USP10: variants seen among roughly 807,000 people sequenced by gnomAD.
The protein encoded by USP10 is ubiquitin specific peptidase 10.
Under a neutral mutation model 84.5 loss-of-function variants are expected in USP10, and 22 were observed. The ratio of observed to expected loss-of-function variants is 0.26; its 90% CI spans 0.19 to 0.37. The LOEUF is 0.37. USP10 is among the 10% of genes least tolerant of loss of function. The pLI, the probability that USP10 is intolerant of heterozygous loss-of-function variation, is 1.00. For missense variants in USP10, 1,019 were observed against 998.9 expected, an observed-to-expected ratio of 1.02 and a Z score of -0.27; for synonymous variants, 454 against 387.6, an observed-to-expected ratio of 1.17 and a Z score of -2.01.
chr16:84,778,760 A>T, intron 13 of USP10, 135 bp from the exon 14 acceptor site: 1 of 821,968 alleles, frequency 1.2e-6, no homozygotes, highest in Non-Finnish European at 1.9e-6. Context: ...TTGTGTGATG[A>T]CATCTCTCTG....
intron 6 of USP10, 168 bp from the exon 7 acceptor site, chr16:84,759,723 A>T: frequency 1.3e-6 from 1 of 742,506 alleles, no homozygotes; most frequent in Non-Finnish European, 2.2e-6. Context: ...CTTGAAATAG[A>T]CCAAAAATGC....
chr16:84,768,369 AC>A lies in USP10; in HGVS notation c.1998+12del, dbSNP rs747252915. On this transcript the variant is annotated intron_variant, in intron 11 of 13. Transcript: ENST00000219473. ...AAAACCAAACAAGAGGTATGTTCAC[AC>A]TTGATTTTGAACCTTTCTACTAAGG... 2.6e-6 allele frequency: 4 copies of A among 1,568,148 alleles called. No individual in the cohort carries two copies. The South Asian group carries it at 4.8e-5, about 19-fold the overall frequency.
At chr16:84,714,929 A>T (rs572691944) in intron 1 of USP10, among the ~76,000 whole-genome samples, 66 of 148,404 alleles carry the variant, frequency 4.4e-4, no homozygotes, top group Admixed American at 1.1e-3. Flanking sequence ...TATTATTATT[A>T]TTATTATTTT....
chr16:84,774,253 ATAAAT>A (rs781490554), intron 12 of USP10, among the ~76,000 whole-genome samples: 34 of 152,176 alleles, frequency 2.2e-4, no homozygotes, highest in Non-Finnish European at 4.1e-4. Context: ...AAAAAAATAA[ATAAAT>A]AACATAAATG....
chr16:84,732,582 G>T (rs1017297730), intron 1 of USP10: 5 of 334,260 alleles, frequency 1.5e-5, no homozygotes, highest in Non-Finnish European at 2.3e-5. Context: ...GAGCAGCCGG[G>T]ACTACAGGTA....
intron 1 of USP10, chr16:84,704,956 T>G: frequency 6.6e-7 from 1 of 1,516,410 alleles, no homozygotes; most frequent in Non-Finnish European, 8.9e-7. Flanking sequence ...TAGGAGAATG[T>G]GCATGTGGAG....
intron 4 of USP10, among the ~76,000 whole-genome samples, chr16:84,751,150 G>A (rs960492358): frequency 6.6e-6 from 1 of 152,184 alleles, no homozygotes; most frequent in Non-Finnish European, 1.5e-5. Flanking sequence ...AGTTGCCTAC[G>A]GTATTCAGTA....
At chr16:84,774,099 A>T (rs951746658) in intron 12 of USP10, among the ~76,000 whole-genome samples, 17 of 151,974 alleles carry the variant, frequency 1.1e-4, no homozygotes, top group African/African-American at 3.6e-4. Context: ...AAAACACAAA[A>T]ATTAGCCTAG....
chr16:84,763,716 T>C (rs1273222462), intron 9 of USP10, among the ~76,000 whole-genome samples: 1 of 152,040 alleles, frequency 6.6e-6, no homozygotes, highest in Non-Finnish European at 1.5e-5. Flanking sequence ...TCAAGTGGCA[T>C]TGCAATGGGT....
At chr16:84,776,021 C>T (rs1277024150) in intron 13 of USP10, among the ~76,000 whole-genome samples, 1 of 152,168 alleles carries the variant, frequency 6.6e-6, no homozygotes, top group Non-Finnish European at 1.5e-5. Flanking sequence ...TTTGGTGAAC[C>T]TGTTTGTATC....
intron 2 of USP10, among the ~76,000 whole-genome samples, chr16:84,740,078 C>T (rs911781591): frequency 2.0e-5 from 3 of 152,122 alleles, no homozygotes; most frequent in Non-Finnish European, 2.9e-5. Flanking sequence ...GCTTCATTTT[C>T]GGATCTGTTT....
At chr16:84,743,031 G>A (rs770881515) in intron 3 of USP10, among the ~76,000 whole-genome samples, 18 of 152,106 alleles carry the variant, frequency 1.2e-4, no homozygotes, top group Non-Finnish European at 1.8e-4. Flanking sequence ...GGAGCCTTCC[G>A]CCCCAGGCAC....
At chr16:84,713,921 G>A (rs915856470) in intron 1 of USP10, among the ~76,000 whole-genome samples, 4 of 152,280 alleles carry the variant, frequency 2.6e-5, no homozygotes, top group Admixed American at 6.5e-5. Flanking sequence ...CATTTGGGAC[G>A]TGGAGAGTTG....
In USP10 at chr16:84,744,877, G is replaced by A. The variant is rs199963685; in HGVS notation, c.396G>A (p.Ala132=). 1.6e-4 allele frequency: 265 copies of A among 1,613,718 alleles called. No individual in the cohort carries two copies. The highest frequency in any genetic ancestry group is 2.1e-4 in the Non-Finnish European group (252 of 1,179,704). The part of the protein sequence containing the change: ...LALDGSSNVE[A]EVLENDGVSG... ...TGGATGGAAGTTCTAATGTGGAGGC[G>A]GAAGTTTTGGAAAATGATGGTGTCT... is the stretch of plus-strand genomic sequence containing the variant. Residue 132 remains alanine (A), a synonymous_variant, in exon 4 of 14, where the codon GCG becomes GCA. Coordinates refer to ENST00000219473, the MANE Select transcript of USP10 (RefSeq NM_005153.3).
At chr16:84,718,346 T>C (rs1012859942) in intron 1 of USP10, among the ~76,000 whole-genome samples, 1 of 152,204 alleles carries the variant, frequency 6.6e-6, no homozygotes, top group East Asian at 1.9e-4. Context: ...CTCAAAGTTA[T>C]TGGCTCAAGG....
intron 1 of USP10, among the ~76,000 whole-genome samples, chr16:84,710,759 A>G (rs1906175856): frequency 6.6e-6 from 1 of 152,148 alleles, no homozygotes; most frequent in Admixed American, 6.5e-5. Flanking sequence ...CTCTTCTAAT[A>G]CCAGAATCAC....
At position 84,750,201 on chromosome 16, in the gene USP10, A is replaced by G. The variant is rs1911752329; in HGVS notation, c.1192+4528A>G. On this transcript the variant is annotated intron_variant, in intron 4 of 13. Transcript: ENST00000219473. Reference sequence around the variant, plus strand: ...GGTGGGTGGATCCCTTGAGGCCAGGAGTTCAAGACCAGCCTGGCCAACATA... The same window carrying G: ...GGTGGGTGGATCCCTTGAGGCCAGGGGTTCAAGACCAGCCTGGCCAACATA... Among the ~76,000 whole-genome samples, 5 of 152,248 alleles carry G rather than the reference A, an allele frequency of 3.3e-5. No homozygotes were observed. The South Asian group carries it at 1.0e-3, about 32-fold the overall frequency.
At position 84,760,160 on chromosome 16, in the gene USP10, T is replaced by C. The variant is rs1913041656; in HGVS notation, c.1451-12T>C. ...TGTAGTTAGGAAAACCTGTGTCCTC[T>C]TTCCATTGCAGCTCTTGGAGATAAA... On this transcript the variant is annotated splice_polypyrimidine_tract_variant and intron_variant, in intron 7 of 13. Transcript: ENST00000219473. The C allele has an allele frequency of 3.1e-6, 5 of 1,596,444 alleles. No homozygotes were observed. Among genetic ancestry groups the C allele is most frequent in the Middle Eastern group, 3.3e-4 (2 of 6,036 alleles).
intron 3 of USP10, among the ~76,000 whole-genome samples, chr16:84,743,231 A>T (rs1910828690): frequency 1.3e-5 from 2 of 152,206 alleles, no homozygotes; most frequent in East Asian, 3.9e-4. Flanking sequence ...TCATGCATAA[A>T]CTTGCTGTTA....
Sources: allele counts gnomAD v4.1 joint callset (sites outside exome capture counted in the v4.1 genomes callset), GRCh38; gene constraint gnomAD v4.1.1; transcripts MANE v1.5; gene names NCBI Gene and HGNC (gene_info 2026-07-23, HGNC 2026-07-21).